The following TLE4 variants were observed in gnomAD, a reference collection of about 807,000 sequenced individuals.
TLE4 encodes TLE family member 4, transcriptional corepressor, also known as transducin-like enhancer protein 4.
Under a neutral mutation model 92.8 loss-of-function variants are expected in TLE4, and 8 were observed. The ratio of observed to expected loss-of-function variants is 0.09; its 90% CI spans 0.05 to 0.16. TLE4 has a LOEUF of 0.16. Among genes scored for constraint, TLE4 ranks in the 10% least tolerant of loss-of-function variants. The pLI is 1.00. For synonymous variants in TLE4, 371 were observed against 374.1 expected (o/e 0.99, Z 0.10); for missense variants, 675 against 997.6 (o/e 0.68, Z 4.36).
intron 15 of TLE4, among the ~76,000 whole-genome samples, chr9:79,719,528 T>C (rs79218768): frequency 6.6e-4 from 101 of 152,222 alleles, no homozygotes; most frequent in African/African-American, 2.4e-3. Flanking sequence ...CATGATCAAG[T>C]CTTGCCTCTG....
At chr9:79,614,220 T>C (rs1368417188) in intron 5 of TLE4, among the ~76,000 whole-genome samples, 2 of 152,134 alleles carry the variant, frequency 1.3e-5, no homozygotes, top group Non-Finnish European at 2.9e-5. Context: ...TGGGGTGTCA[T>C]GTTCTAAGGT....
chr9:79,616,026 A>G (rs2049500617), intron 5 of TLE4, among the ~76,000 whole-genome samples: 1 of 152,124 alleles, frequency 6.6e-6, no homozygotes, highest in South Asian at 2.1e-4. Context: ...CTTTTCTCTC[A>G]CTTCACTTTT....
chr9:79,716,325 C>G (rs1565166435), intron 14 of TLE4, among the ~76,000 whole-genome samples: 3 of 152,224 alleles, frequency 2.0e-5, no homozygotes, highest in Admixed American at 1.3e-4. Context: ...GTCATTCCTT[C>G]AGCTCTCCGC....
intron 4 of TLE4, among the ~76,000 whole-genome samples, chr9:79,596,958 G>C (rs1368817128): frequency 1.3e-5 from 2 of 152,116 alleles, no homozygotes; most frequent in Non-Finnish European, 2.9e-5. Context: ...AGAATGTTTT[G>C]TCACTTGATT....
At chr9:79,693,362 T>C (rs376624201) in intron 8 of TLE4, among the ~76,000 whole-genome samples, 1 of 152,184 alleles carries the variant, frequency 6.6e-6, no homozygotes, top group Non-Finnish European at 1.5e-5. Context: ...GTCTACTCTC[T>C]ATTCTCAGTG....
intron 5 of TLE4, among the ~76,000 whole-genome samples, chr9:79,617,001 G>C (rs2049802692): frequency 6.6e-6 from 1 of 152,140 alleles, no homozygotes. Context: ...CTTGGCATAG[G>C]GAGTGCCGTT....
At chr9:79,632,590 C>T (rs929379432) in intron 6 of TLE4, among the ~76,000 whole-genome samples, 3 of 152,116 alleles carry the variant, frequency 2.0e-5, no homozygotes, top group Non-Finnish European at 4.4e-5. Context: ...GATGTGAGTT[C>T]TGTGCGTAAA....
intron 14 of TLE4, chr9:79,718,144 T>G (rs974341713): frequency 1.1e-5 from 5 of 449,354 alleles, no homozygotes; most frequent in Non-Finnish European, 1.3e-5. Flanking sequence ...TTTGTGATTG[T>G]CAAGTCTGAT....
intron 3 of TLE4, among the ~76,000 whole-genome samples, chr9:79,575,340 T>C (rs1370410872): frequency 6.6e-6 from 1 of 152,228 alleles, no homozygotes; most frequent in East Asian, 1.9e-4. Flanking sequence ...TGTCTTATTA[T>C]TAAAGACATT....
intron 14 of TLE4, among the ~76,000 whole-genome samples, chr9:79,716,084 G>C (rs1345101432): frequency 6.6e-6 from 1 of 152,148 alleles, no homozygotes; most frequent in Admixed American, 6.5e-5. Flanking sequence ...ATTTGAAGAC[G>C]TTAACTGAAT....
At chr9:79,696,113 G>C (rs552257512) in intron 8 of TLE4, among the ~76,000 whole-genome samples, 1 of 152,236 alleles carries the variant, frequency 6.6e-6, no homozygotes, top group Non-Finnish European at 1.5e-5. Context: ...ACTGTTGTCA[G>C]TATAAAATGC....
intron 8 of TLE4, among the ~76,000 whole-genome samples, chr9:79,678,463 C>G (rs1307547800): frequency 5.3e-5 from 8 of 151,744 alleles, no homozygotes; most frequent in Admixed American, 5.3e-4. Context: ...ATCAATAATT[C>G]TTAAAATAGC....
At chr9:79,648,649 A>T (rs966346943) in intron 6 of TLE4, among the ~76,000 whole-genome samples, 5 of 152,208 alleles carry the variant, frequency 3.3e-5, no homozygotes, top group African/African-American at 1.2e-4. Context: ...ATGTGAGGTG[A>T]TGAGTCTGGT....
chr9:79,663,563 A>T (rs1008557202), intron 8 of TLE4: 2 of 152,232 alleles, frequency 1.3e-5, no homozygotes, highest in African/African-American at 4.8e-5. Context: ...CTGACTCCTG[A>T]TACTCAAAAG....
chr9:79,576,413 CTG>C (rs1587593995), intron 4 of TLE4: 1 of 310,018 alleles, frequency 3.2e-6, no homozygotes, highest in Non-Finnish European at 5.8e-6. Context: ...ATATTAAACT[CTG>C]TACACTTTCA....
At position 79,722,490 on chromosome 9, in the gene TLE4, G is replaced by A. The variant is rs748463718; in HGVS notation, c.2026G>A (p.Ala676Thr). ...CTACTGCCCAACTGGAGAGTGGCTT[G>A]CAGTGGGGATGGAGAACAGCAATGT... is the stretch of plus-strand genomic sequence containing the variant. Reference protein sequence around the residue: ...LGYCPTGEWLAVGMENSNVEV... With the variant: ...LGYCPTGEWLTVGMENSNVEV... The change falls in exon 18 of 20, where the codon GCA becomes ACA. Residue 676 changes from alanine to threonine, a missense_variant. Physicochemically the swap from Ala to Thr is moderately conservative, Grantham distance 58 (BLOSUM62 0). This residue lies in a region of TLE4 where 170 missense variants were observed against 359.6 expected (regional missense o/e 0.47). Coordinates refer to ENST00000376552, the MANE Select transcript of TLE4 (RefSeq NM_007005.6). 2 of 1,614,068 alleles carry A rather than the reference G, an allele frequency of 1.2e-6. No individual in the cohort carries two copies. Among genetic ancestry groups the A allele is most frequent in the East Asian group, 4.5e-5 (2 of 44,898 alleles).
In TLE4 at chr9:79,725,094, G is replaced by A. The variant is rs1476508996; in HGVS notation, c.2272G>A (p.Val758Ile). 6.2e-7 allele frequency: 1 copy of A among 1,613,780 alleles called. No individual in the cohort carries two copies. Residue 758 changes from valine (V) to isoleucine (I), a missense_variant, in exon 20 of 20, where the codon GTC becomes ATC. Around this residue, in one of 5 missense-constraint regions of TLE4, gnomAD observed 170 missense variants for 359.6 expected, o/e 0.47. Transcript: ENST00000376552. ...CDISVDDKYI[V>I]TGSGDKKATV... is the part of the protein sequence containing the mutation. ...CATCTCCGTGGACGACAAATACATT[G>A]TCACTGGCTCTGGGGATAAGAAGGC...
intron 8 of TLE4, among the ~76,000 whole-genome samples, chr9:79,656,082 G>C (rs556334647): frequency 2.0e-5 from 3 of 152,288 alleles, no homozygotes; most frequent in Non-Finnish European, 4.4e-5. Flanking sequence ...AGATGTTTTG[G>C]TTGGGTACCA....
At chr9:79,621,012 C>G (rs2050825602) in intron 5 of TLE4, among the ~76,000 whole-genome samples, 1 of 152,132 alleles carries the variant, frequency 6.6e-6, no homozygotes, top group African/African-American at 2.4e-5. Context: ...ACACCTCCCA[C>G]CAGGCCCCAC....
Sources: gnomAD v4.1 joint callset for allele counts (sites outside exome capture counted in the v4.1 genomes callset) on GRCh38, gnomAD v4.1.1 for gene constraint, gnomAD v4.1.1 regional missense constraint, MANE v1.5 for transcripts, NCBI Gene and HGNC (gene_info 2026-07-23, HGNC 2026-07-21) for gene names.